The following ANTXR2 variants were observed in gnomAD, a reference collection of about 807,000 sequenced individuals.
ANTXR2 encodes ANTXR cell adhesion molecule 2.
In ANTXR2, 44 loss-of-function variants were observed where a neutral mutation model predicts 73.7. That is an observed-to-expected ratio of 0.60 (90% confidence interval 0.47 to 0.77). ANTXR2 has a LOEUF of 0.77. Ranked by LOEUF, ANTXR2 falls within the 30% of genes least tolerant of loss-of-function variation. The pLI is 0.00. For synonymous variants in ANTXR2, 217 were observed against 205.9 expected (o/e 1.05, Z -0.46); for missense variants, 604 against 592.5 (o/e 1.02, Z -0.20).
At chr4:79,966,692 G>A (rs1454875162) in intron 16 of ANTXR2, among the ~76,000 whole-genome samples, 2 of 152,036 alleles carry the variant, frequency 1.3e-5, no homozygotes, top group African/African-American at 2.4e-5. Context: ...TTATATCACT[G>A]CCCCATGCAA....
At chr4:80,064,284 T>G (rs1734394438) in intron 3 of ANTXR2, among the ~76,000 whole-genome samples, 1 of 152,184 alleles carries the variant, frequency 6.6e-6, no homozygotes, top group Non-Finnish European at 1.5e-5. Flanking sequence ...TATTTATAAC[T>G]GATTTGTAAG....
chr4:79,965,168 G>C (rs980257709), intron 16 of ANTXR2: 2 of 152,198 alleles, frequency 1.3e-5, no homozygotes, highest in East Asian at 3.8e-4. Context: ...CGTGACTCTG[G>C]GTTGAGTTCT....
At chr4:79,987,811 T>C (rs1186621987) in intron 12 of ANTXR2, among the ~76,000 whole-genome samples, 1 of 152,178 alleles carries the variant, frequency 6.6e-6, no homozygotes, top group Non-Finnish European at 1.5e-5. Context: ...TGGCGGCCTA[T>C]ATTCTGCAAC....
At chr4:80,047,057 T>C (rs1418314893) in intron 7 of ANTXR2, among the ~76,000 whole-genome samples, 1 of 151,766 alleles carries the variant, frequency 6.6e-6, no homozygotes, top group African/African-American at 2.4e-5. Flanking sequence ...AGGTTAATGT[T>C]AAGAAATTAA....
intron 8 of ANTXR2, among the ~76,000 whole-genome samples, chr4:80,035,588 G>A (rs1732914955): frequency 6.6e-6 from 1 of 152,062 alleles, no homozygotes; most frequent in Non-Finnish European, 1.5e-5. Context: ...CCCTGAGCTG[G>A]CAGATTCTGT....
intron 11 of ANTXR2, among the ~76,000 whole-genome samples, chr4:80,010,701 G>A (rs1731528012): frequency 6.6e-6 from 1 of 151,928 alleles, no homozygotes; most frequent in African/African-American, 2.4e-5. Context: ...AAAGTAGATG[G>A]GCTAGCCCTG....
chr4:80,003,572 T>G (rs1484227573), intron 12 of ANTXR2, among the ~76,000 whole-genome samples: 9 of 151,602 alleles, frequency 5.9e-5, no homozygotes, highest in South Asian at 2.1e-4. Context: ...AATAATAAAA[T>G]AAAATAAAAT....
At chr4:79,984,956 T>C in intron 12 of ANTXR2, 93 bp from the exon 13 acceptor site, 1 of 1,047,966 alleles carries the variant, frequency 9.5e-7, no homozygotes, top group South Asian at 1.5e-5. Flanking sequence ...AATACTGTGG[T>C]AGCTCCAAAG....
chr4:79,936,721 A>G (rs1247751223), intron 16 of ANTXR2, among the ~76,000 whole-genome samples: 1 of 152,182 alleles, frequency 6.6e-6, no homozygotes, highest in Non-Finnish European at 1.5e-5. Flanking sequence ...AAAACAATTA[A>G]TTTAAAAATT....
chr4:79,975,788 C>G (rs999386658), intron 16 of ANTXR2, among the ~76,000 whole-genome samples: 1 of 152,120 alleles, frequency 6.6e-6, no homozygotes, highest in Non-Finnish European at 1.5e-5. Flanking sequence ...TATGAAGAAC[C>G]ACAGTGATTG....
chr4:80,067,929 C>T (rs181467062), intron 3 of ANTXR2, among the ~76,000 whole-genome samples: 13 of 152,280 alleles, frequency 8.5e-5, no homozygotes, highest in African/African-American at 2.4e-4. Context: ...CCACGGCACA[C>T]GTTTACCTAT....
chr4:80,009,571 C>T (rs193082053), intron 11 of ANTXR2, among the ~76,000 whole-genome samples: 311 of 152,200 alleles, frequency 2.0e-3, no homozygotes, highest in Non-Finnish European at 3.2e-3. Flanking sequence ...TTACTGAGGC[C>T]GGGCACAATG....
rs200590742 is a variant in ANTXR2, at chr4:80,055,892, A to G, written c.378+40T>C. 3.3e-5 allele frequency: 45 copies of G among 1,347,962 alleles called. No homozygotes were observed. The African/African-American group carries it at 6.5e-4, about 19-fold the overall frequency. The allele number at this position is 1,347,962 out of a possible 1,614,324, so 83.5% of individuals were successfully genotyped here. A position where few individuals can be genotyped will look rare whatever the true frequency, so the allele number is the denominator to read the frequency against. ...GGTTTTATTTCACCACAGAATAAGAAAGCATTCTCTCCCATATTTACAAAT... is the reference window on the plus strand; with the variant it reads ...GGTTTTATTTCACCACAGAATAAGAGAGCATTCTCTCCCATATTTACAAAT... On this transcript the variant is annotated intron_variant, in intron 4 of 16. Transcript: ENST00000403729.
intron 16 of ANTXR2, among the ~76,000 whole-genome samples, chr4:79,932,792 C>CAAAAAAAAAAAAA (rs57359650): frequency 3.8e-5 from 2 of 52,368 alleles, no homozygotes; most frequent in South Asian, 1.0e-3. Context: ...AACTCCATCT[C>CAAAAAAAAAAAAA]AAAAAAAAAA....
intron 7 of ANTXR2, among the ~76,000 whole-genome samples, chr4:80,042,376 T>G (rs901743188): frequency 1.3e-5 from 2 of 152,028 alleles, no homozygotes; most frequent in African/African-American, 4.8e-5. Flanking sequence ...TTTACCTGAG[T>G]TGGGAGCAGA....
chr4:79,973,678 C>T (rs1361304670), intron 16 of ANTXR2, among the ~76,000 whole-genome samples: 3 of 152,312 alleles, frequency 2.0e-5, no homozygotes, highest in Admixed American at 6.5e-5. Context: ...ACCCACCTGT[C>T]TTGGCCTCCC....
At chr4:79,953,470 T>C (rs1728781495) in intron 16 of ANTXR2, among the ~76,000 whole-genome samples, 1 of 152,120 alleles carries the variant, frequency 6.6e-6, no homozygotes, top group South Asian at 2.1e-4. Context: ...TTATAAATAA[T>C]AAATTATGAC....
At chr4:79,953,445 G>C (rs1331232254) in intron 16 of ANTXR2, among the ~76,000 whole-genome samples, 2 of 152,050 alleles carry the variant, frequency 1.3e-5, no homozygotes, top group African/African-American at 4.8e-5. Context: ...CTGAAAACTA[G>C]ATTTTAAGAG....
At chr4:80,011,373 T>TA (rs1242785986) in intron 11 of ANTXR2, among the ~76,000 whole-genome samples, 1 of 152,108 alleles carries the variant, frequency 6.6e-6, no homozygotes, top group Non-Finnish European at 1.5e-5. Context: ...ATCTGATGAC[T>TA]ATTTCATTTA....
Sources: gnomAD v4.1 joint callset for allele counts (sites outside exome capture counted in the v4.1 genomes callset) on GRCh38, gnomAD v4.1.1 for gene constraint, MANE v1.5 for transcripts, NCBI Gene and HGNC (gene_info 2026-07-23, HGNC 2026-07-21) for gene names.